Variants in NOTO observed in about 807,000 individuals in gnomAD.
NOTO encodes homeobox protein notochord.
In NOTO, 19 loss-of-function variants were observed where a neutral mutation model predicts 20.5. The observed-to-expected ratio is 0.93, with a 90% CI of 0.65 to 1.36. The LOEUF (loss-of-function observed/expected upper bound fraction) is 1.36, where lower values mean the gene tolerates loss of function less well. NOTO is among the 40% of genes most tolerant of loss of function. The probability of loss-of-function intolerance (pLI) is 0.00; values close to 1 mark genes in which losing one functional copy is unlikely to be tolerated. For missense variants in NOTO, 369 were observed against 336.2 expected, an observed-to-expected ratio of 1.10 and a Z score of -0.76; for synonymous variants, 150 against 150.2, an observed-to-expected ratio of 1.00 and a Z score of 0.01.
chr2:73,202,964 C>T lies in NOTO; in HGVS notation c.298C>T (p.Pro100Ser). ...LPWACPTSWL[P>S]AYLSVGFYPV... ...CTGGGCTTGCCCGACATCGTGGCTG[C>T]CCGCCTACCTGAGCGTAGGTTTTTA... Residue 100 changes from proline to serine, a missense_variant, in exon 1 of 3, where the codon CCC becomes TCC. Pro to Ser is a moderately conservative substitution (Grantham distance 74, BLOSUM62 -1). Transcript: ENST00000398468. 6.6e-7 allele frequency: 1 copy of T among 1,510,770 alleles called. No homozygotes were observed. The highest frequency in any genetic ancestry group is 2.7e-5 in the East Asian group (1 of 36,778). The allele number at this position is 1,510,770 out of a possible 1,614,324, so 93.6% of individuals were successfully genotyped here.
chr2:73,210,649 G>A, intron 2 of NOTO, 122 bp from the exon 3 acceptor site: 3 of 748,946 alleles, frequency 4.0e-6, no homozygotes. Context: ...TTTTGGAGGA[G>A]GTACCTCCCT....
intron 1 of NOTO, among the ~76,000 whole-genome samples, chr2:73,203,580 G>C (rs1309151051): frequency 3.3e-5 from 5 of 152,208 alleles, no homozygotes; most frequent in Non-Finnish European, 4.4e-5. Context: ...GCTCACGTCT[G>C]TGAACTTGAG....
chr2:73,203,879 TCAC>T (rs1298465483), intron 1 of NOTO, among the ~76,000 whole-genome samples: 2 of 136,658 alleles, frequency 1.5e-5, no homozygotes, highest in Admixed American at 7.0e-5. Context: ...GACGGGCGGA[TCAC>T]GAGGTCAGGA....
In NOTO at chr2:73,203,932, C is replaced by T. The variant is rs180826122; in HGVS notation, c.382+884C>T. Among the ~76,000 whole-genome samples the T allele has an allele frequency of 3.0e-5, 4 of 131,672 alleles. 1 individual carries two copies. The highest frequency in any genetic ancestry group is 6.3e-5 in the Non-Finnish European group (4 of 63,274). 86.4% of individuals were successfully genotyped at this position (131,672 alleles called of 152,430 possible). A position where few individuals can be genotyped will look rare whatever the true frequency, so the allele number is the denominator to read the frequency against. ...TGGCTAACACGGTGAAACCCCGTCTCTACTAAAAATACAAAAATTAGCCGG... is the reference window on the plus strand; with the variant it reads ...TGGCTAACACGGTGAAACCCCGTCTTTACTAAAAATACAAAAATTAGCCGG... On this transcript the variant is annotated intron_variant, in intron 1 of 2. Coordinates refer to ENST00000398468, the MANE Select transcript of NOTO (RefSeq NM_001134462.2).
chr2:73,202,928 G>T lies in NOTO; in HGVS notation c.262G>T (p.Gly88Trp). ...GACCGCTGCTTCCCTGTGCGCCACC[G>T]GGGGTCTGCCCTGGGCTTGCCCGAC... Reference protein sequence around the residue: ...FWTAASLCATGGLPWACPTSW... With the variant: ...FWTAASLCATWGLPWACPTSW... Residue 88 changes from glycine (G) to tryptophan (W), a missense_variant, in exon 1 of 3, where the codon GGG (glycine) becomes TGG (tryptophan). Coordinates refer to ENST00000398468, the MANE Select transcript of NOTO (RefSeq NM_001134462.2). 1 of 1,524,920 alleles carries T rather than the reference G, an allele frequency of 6.6e-7. No homozygotes were observed. Among genetic ancestry groups the T allele is most frequent in the Non-Finnish European group, 8.8e-7 (1 of 1,140,260 alleles). The allele number at this position is 1,524,920 out of a possible 1,614,324, so 94.5% of individuals were successfully genotyped here.
rs563087289 is a variant in NOTO at position 73,212,138 on chromosome 2, C to T, written c.*1209C>T. 7.9e-5 allele frequency: 12 copies of T among 152,398 alleles called. No individual in the cohort carries two copies. Among genetic ancestry groups the T allele is most frequent in the African/African-American group, 2.6e-4 (11 of 41,564 alleles). The allele number at this position is 152,398 out of a possible 1,614,324, so 9.4% of individuals were successfully genotyped here. On this transcript the variant is annotated 3_prime_UTR_variant, in exon 3 of 3. Transcript: ENST00000398468. ...GTTTTGTCTGAACTGTTACCATTCT[C>T]AGAAGAAGCTCAGGCCCAGCAGCAA...
intron 2 of NOTO, 78 bp from the exon 3 acceptor site, chr2:73,210,693 G>C (rs1168823370): frequency 4.0e-6 from 5 of 1,245,926 alleles, no homozygotes; most frequent in Non-Finnish European, 5.5e-6. Flanking sequence ...CAGGCAGAGA[G>C]GGGTGTTCAC....
chr2:73,207,619 A>C, intron 1 of NOTO, among the ~76,000 whole-genome samples: 1 of 151,908 alleles, frequency 6.6e-6, no homozygotes, highest in Non-Finnish European at 1.5e-5. Context: ...AGTGGGCTCT[A>C]TCTTGGCTCA....
At position 73,211,012 on chromosome 2, in the gene NOTO, A is replaced by C; in HGVS notation, c.*83A>C. 1 of 1,163,160 alleles carries C rather than the reference A, an allele frequency of 8.6e-7. No individual in the cohort carries two copies. The highest frequency in any genetic ancestry group is 1.2e-6 in the Non-Finnish European group (1 of 836,200). The allele number at this position is 1,163,160 out of a possible 1,614,324, so 72.1% of individuals were successfully genotyped here. On this transcript the variant is annotated 3_prime_UTR_variant, in exon 3 of 3. Coordinates refer to ENST00000398468, the MANE Select transcript of NOTO (RefSeq NM_001134462.2). ...ACTGGAGCTCCCTGCCTCACACCTCAACGAAAAGCCTCCTCAACCAGAAGA... is the reference window on the plus strand; with the variant it reads ...ACTGGAGCTCCCTGCCTCACACCTCCACGAAAAGCCTCCTCAACCAGAAGA...
In NOTO at chr2:73,203,046, C is replaced by G; in HGVS notation, c.380C>G (p.Thr127Arg). 1 of 1,389,348 alleles carries G rather than the reference C, an allele frequency of 7.2e-7. No individual in the cohort carries two copies. The highest frequency in any genetic ancestry group is 9.3e-7 in the Non-Finnish European group (1 of 1,076,066). The allele number at this position is 1,389,348 out of a possible 1,614,324, so 86.1% of individuals were successfully genotyped here. The change falls in exon 1 of 3, where the codon ACA becomes AGA. Residue 127 changes from threonine to arginine, a missense_variant and splice_region_variant. Thr to Arg is a moderately conservative substitution (Grantham distance 71, BLOSUM62 -1). Transcript: ENST00000398468. Reference protein sequence around the residue: ...PVCGLLGFGVTGLELAHCSGL... With the variant: ...PVCGLLGFGVRGLELAHCSGL... The stretch of plus-strand genomic sequence containing the variant: ...TGCGGCCTGCTGGGCTTCGGCGTCA[C>G]AGGTACTGCGGTCCCGGCGCCCGCA...
intron 1 of NOTO, among the ~76,000 whole-genome samples, chr2:73,206,458 T>C (rs368941851): frequency 6.6e-6 from 1 of 152,180 alleles, no homozygotes; most frequent in African/African-American, 2.4e-5. Flanking sequence ...CCTGCTTCAG[T>C]CTCCCAAGCA....
Position 73,207,627 on chromosome 2 carries a change from T to A in NOTO, c.383-773T>A, listed in dbSNP as rs1054603483. Among the ~76,000 whole-genome samples the A allele has an allele frequency of 5.3e-5, 8 of 152,134 alleles. No homozygotes were observed. The East Asian group carries it at 9.6e-4, about 18-fold the overall frequency. On this transcript the variant is annotated intron_variant, in intron 1 of 2. Transcript: ENST00000398468. ...GGAGTAGAGTGGGCTCTATCTTGGC[T>A]CACTGCAACCTCTGCTTCCCGGACT... is the stretch of plus-strand genomic sequence containing the variant.
Position 73,210,798 on chromosome 2 carries a change from G to A in NOTO, c.625G>A (p.Val209Ile). 2 of 1,551,488 alleles carry A rather than the reference G, an allele frequency of 1.3e-6. No individual in the cohort carries two copies. Among genetic ancestry groups the A allele is most frequent in the African/African-American group, 1.4e-5 (1 of 73,180 alleles). The stretch of plus-strand genomic sequence containing the variant: ...GAGAGTCTGGTTCCAGAACCGCAGG[G>A]TCAAGTATCAGAAGCAGCAAAAGCT... Reference protein sequence around the residue: ...QVRVWFQNRRVKYQKQQKLRA... With the variant: ...QVRVWFQNRRIKYQKQQKLRA... The change falls in exon 3 of 3, where the codon GTC becomes ATC. Residue 209 changes from valine to isoleucine, a missense_variant. Val to Ile is a conservative substitution (Grantham distance 29, BLOSUM62 3). Transcript: ENST00000398468.
rs1203359369 is a variant in NOTO, at chr2:73,212,414, C to A, written c.*1485C>A. Reference sequence around the variant, plus strand: ...CTGCCTTGGCCTCCCAAAGCCCCATCTTTTTATAGAATAATTTGTGTATGC... The same window carrying A: ...CTGCCTTGGCCTCCCAAAGCCCCATATTTTTATAGAATAATTTGTGTATGC... On this transcript the variant is annotated 3_prime_UTR_variant, in exon 3 of 3. Transcript: ENST00000398468. The A allele has an allele frequency of 6.6e-6, 1 of 152,220 alleles. No individual in the cohort carries two copies. The highest frequency in any genetic ancestry group is 1.5e-5 in the Non-Finnish European group (1 of 68,040). The allele number at this position is 152,220 out of a possible 1,614,324, so 9.4% of individuals were successfully genotyped here.
At chr2:73,204,105 A>G (rs1157861330) in intron 1 of NOTO, among the ~76,000 whole-genome samples, 1 of 85,848 alleles carries the variant, frequency 1.2e-5, no homozygotes, top group Admixed American at 9.7e-5. Flanking sequence ...TCTCAAAAAA[A>G]AAAAAAAAAA....
Position 73,212,420 on chromosome 2 carries a change from A to C in NOTO, c.*1491A>C, listed in dbSNP as rs1686198199. On this transcript the variant is annotated 3_prime_UTR_variant, in exon 3 of 3. Transcript: ENST00000398468. ...TGGCCTCCCAAAGCCCCATCTTTTTATAGAATAATTTGTGTATGCCAAGGC... is the reference window on the plus strand; with the variant it reads ...TGGCCTCCCAAAGCCCCATCTTTTTCTAGAATAATTTGTGTATGCCAAGGC... The C allele has an allele frequency of 6.6e-6, 1 of 152,216 alleles. No individual in the cohort carries two copies. The highest frequency in any genetic ancestry group is 1.5e-5 in the Non-Finnish European group (1 of 68,036). 9.4% of individuals were successfully genotyped at this position (152,216 alleles called of 1,614,324 possible). A position where few individuals can be genotyped will look rare whatever the true frequency, so the allele number is the denominator to read the frequency against.
chr2:73,204,147 G>A (rs1312710628), intron 1 of NOTO, among the ~76,000 whole-genome samples: 2 of 150,184 alleles, frequency 1.3e-5, no homozygotes, highest in Non-Finnish European at 3.0e-5. Flanking sequence ...GCGTGGTGGC[G>A]CGCGCTTGTA....
intron 2 of NOTO, among the ~76,000 whole-genome samples, chr2:73,209,498 C>T (rs989291518): frequency 1.3e-5 from 2 of 152,094 alleles, no homozygotes; most frequent in Non-Finnish European, 2.9e-5. Flanking sequence ...CTCAGCAGCT[C>T]TTAGTACTGG....
At chr2:73,204,917 T>C (rs967041244) in intron 1 of NOTO, among the ~76,000 whole-genome samples, 1 of 145,764 alleles carries the variant, frequency 6.9e-6, no homozygotes, top group Non-Finnish European at 1.5e-5. Context: ...AGTCTTGCTC[T>C]GTCCTTAGGC....
Sources: gnomAD v4.1 joint callset for allele counts (sites outside exome capture counted in the v4.1 genomes callset) on GRCh38, gnomAD v4.1.1 for gene constraint, MANE v1.5 for transcripts, NCBI Gene and HGNC (gene_info 2026-07-23, HGNC 2026-07-21) for gene names.